NOS3: variants seen among roughly 807,000 people sequenced by gnomAD.
NOS3 encodes nitric oxide synthase 3.
In NOS3, 98 loss-of-function variants were observed where a neutral mutation model predicts 144.9. The observed-to-expected ratio is 0.68, with a 90% CI of 0.57 to 0.80. NOS3 has a LOEUF of 0.80. Among genes scored for constraint, NOS3 ranks in the 30% least tolerant of loss-of-function variants. The probability of loss-of-function intolerance (pLI) is 0.00; values close to 1 mark genes in which losing one functional copy is unlikely to be tolerated. For missense variants in NOS3, 1,465 were observed against 1,656.4 expected, an observed-to-expected ratio of 0.88 and a Z score of 2.01; for synonymous variants, 714 against 702.4, an observed-to-expected ratio of 1.02 and a Z score of -0.26.
Position 150,997,502 on chromosome 7 carries a change from A to C in NOS3, c.582+577A>C, listed in dbSNP as rs188378451. 3.0e-3 allele frequency among the ~76,000 whole-genome samples: 463 copies of C among 151,992 alleles called. 1 individual carries two copies. The highest frequency in any genetic ancestry group is 0.011 in the African/African-American group (445 of 41,452). On this transcript the variant is annotated intron_variant, in intron 5 of 26. Coordinates refer to ENST00000297494, the MANE Select transcript of NOS3 (RefSeq NM_000603.5). The stretch of plus-strand genomic sequence containing the variant: ...CCCTCCCTCACACCCCAGCCCACAG[A>C]CTCGGGGCTGGCCTTAGTTACTGGA...
Position 151,007,090 on chromosome 7 carries a change from C to G in NOS3, c.1938-12C>G. The G allele has an allele frequency of 6.2e-7, 1 of 1,614,104 alleles. No individual in the cohort carries two copies. Among genetic ancestry groups the G allele is most frequent in the Non-Finnish European group, 8.5e-7 (1 of 1,180,032 alleles). On this transcript the variant is annotated splice_polypyrimidine_tract_variant and intron_variant, in intron 16 of 26. Transcript: ENST00000297494. ...TGCAAAGGGAGCTCCACTGACGACCCCTGCACCCCAGGTTCTGTGTGTTCG... is the reference window on the plus strand; with the variant it reads ...TGCAAAGGGAGCTCCACTGACGACCGCTGCACCCCAGGTTCTGTGTGTTCG...
chr7:151,014,314 C>G lies in NOS3; in HGVS notation c.*145C>G. 1 of 909,638 alleles carries G rather than the reference C, an allele frequency of 1.1e-6. No homozygotes were observed. Among genetic ancestry groups the G allele is most frequent in the East Asian group, 2.7e-5 (1 of 37,188 alleles). 56.3% of individuals were successfully genotyped at this position (909,638 alleles called of 1,614,324 possible). A position where few individuals can be genotyped will look rare whatever the true frequency, so the allele number is the denominator to read the frequency against. On this transcript the variant is annotated 3_prime_UTR_variant, in exon 27 of 27. Coordinates refer to ENST00000297494, the MANE Select transcript of NOS3 (RefSeq NM_000603.5). ...GCTGCAAGGATTCAGCATTATTCCT[C>G]CAGGAAGGAGCAAAACGCCTCTTTT...
chr7:151,004,940 C>A (rs2117125115), intron 14 of NOS3, among the ~76,000 whole-genome samples: 1 of 152,300 alleles, frequency 6.6e-6, no homozygotes, highest in South Asian at 2.1e-4. Flanking sequence ...TCACTGCAAC[C>A]TCCGCCTCCC....
intron 24 of NOS3, chr7:151,012,896 TA>T (rs1305467584): frequency 2.7e-6 from 1 of 368,190 alleles, no homozygotes; most frequent in African/African-American, 2.1e-5. Flanking sequence ...GGAGGAGAGT[TA>T]TAAGTATGGG....
At position 150,996,804 on chromosome 7, in the gene NOS3, A is replaced by AAGCC; in HGVS notation, c.462_465dup (p.Glu156SerfsTer12). The AAGCC allele has an allele frequency of 5.0e-6, 8 of 1,610,960 alleles. No homozygotes were observed. The highest frequency in any genetic ancestry group is 6.8e-6 in the Non-Finnish European group (8 of 1,179,538). ...CACGAACAGCGGCTTCAAGAGGTGG[A>AAGCC]AGCCGAGGTGGCAGCCACAGGCACC... On this transcript the variant is annotated frameshift_variant, in exon 5 of 27. Coordinates refer to ENST00000297494, the MANE Select transcript of NOS3 (RefSeq NM_000603.5). LOFTEE classifies it high-confidence loss of function.
chr7:151,008,037 T>C (rs528036154), intron 17 of NOS3, among the ~76,000 whole-genome samples: 171 of 152,174 alleles, frequency 1.1e-3, no homozygotes, highest in Admixed American at 7.7e-3. Context: ...AGGCCCTGAT[T>C]GGGAAGAAGG....
At position 151,002,452 on chromosome 7, in the gene NOS3, ACG is replaced by A. The variant is rs1491492646; in HGVS notation, c.1752+150_1752+151del. On this transcript the variant is annotated intron_variant, in intron 14 of 26. Transcript: ENST00000297494. The surrounding 1 kb of genome is among the most constrained non-coding windows in gnomAD (Gnocchi z 4.1). Reference sequence around the variant, plus strand: ...CACACACACACACACACACACACACACGCCAGGATGGAAAGGGAGATGCTAAG... The same window carrying A: ...CACACACACACACACACACACACACACCAGGATGGAAAGGGAGATGCTAAG... 79 of 492,008 alleles carry A rather than the reference ACG, an allele frequency of 1.6e-4. No individual in the cohort carries two copies. Among genetic ancestry groups the A allele is most frequent in the African/African-American group, 1.5e-3 (70 of 46,924 alleles). The allele number at this position is 492,008 out of a possible 1,614,324, so 30.5% of individuals were successfully genotyped here. A position where few individuals can be genotyped will look rare whatever the true frequency, so the allele number is the denominator to read the frequency against.
At position 151,010,855 on chromosome 7, in the gene NOS3, G is replaced by A. The variant is rs867225; in HGVS notation, c.2897-44G>A. ...GCCTGGCCACAGCAGGGTTGGGACCGGCCCCTCTCTGGCCCCTCACCGGCC... is the reference window on the plus strand; with the variant it reads ...GCCTGGCCACAGCAGGGTTGGGACCAGCCCCTCTCTGGCCCCTCACCGGCC... On this transcript the variant is annotated intron_variant, in intron 22 of 26. Transcript: ENST00000297494. 7.4e-3 allele frequency: 11,942 copies of A among 1,606,326 alleles called. 695 individuals are homozygous for A. In the African/African-American group the frequency reaches 0.13, roughly 18 times the overall value.
intron 5 of NOS3, among the ~76,000 whole-genome samples, chr7:150,997,520 T>A (rs1374018371): frequency 6.6e-6 from 1 of 152,122 alleles, no homozygotes; most frequent in Non-Finnish European, 1.5e-5. Context: ...CTGGCCTTAG[T>A]TACTGGAACG....
At position 151,010,664 on chromosome 7, in the gene NOS3, T is replaced by G. The variant is rs781651166; in HGVS notation, c.2753T>G (p.Phe918Cys). Reference sequence around the variant, plus strand: ...ACGCTGCTGGAGGTGCTGGAGCAGTTCCCGTCGGTGGCGCTGCCTGCCCCA... The same window carrying G: ...ACGCTGCTGGAGGTGCTGGAGCAGTGCCCGTCGGTGGCGCTGCCTGCCCCA... ...CPTLLEVLEQ[F>C]PSVALPAPLL... The change falls in exon 22 of 27, where the codon TTC becomes TGC. Residue 918 changes from phenylalanine (F) to cysteine (C), a missense_variant. By Grantham distance (205) the Phe-to-Cys change is radical (BLOSUM62 -2). Transcript: ENST00000297494. The G allele has an allele frequency of 2.3e-5, 37 of 1,608,062 alleles. No homozygotes were observed. The highest frequency in any genetic ancestry group is 3.1e-5 in the Non-Finnish European group (37 of 1,177,718).
At chr7:151,010,394 C>G (rs1563230965) in intron 21 of NOS3, 107 bp downstream of exon 21, 2 of 1,184,876 alleles carry the variant, frequency 1.7e-6, no homozygotes, top group Non-Finnish European at 2.4e-6. Context: ...ACTTTCTTCT[C>G]CTGGCCGACA....
In NOS3 at chr7:151,009,466, A is replaced by G; in HGVS notation, c.2393A>G (p.His798Arg). Residue 798 changes from histidine to arginine, a missense_variant, in exon 20 of 27, where the codon CAC becomes CGC. Physicochemically the swap from His to Arg is conservative, Grantham distance 29. This residue lies in a region of NOS3 where 745 missense variants were observed against 853.9 expected (regional missense o/e 0.87). Transcript: ENST00000297494. ...GGGCTGCAGTACCAGCCGGGGGACC[A>G]CATAGGTGTCTGCCCGCCCAACCGG... is the stretch of plus-strand genomic sequence containing the variant. Reference protein sequence around the residue: ...QEGLQYQPGDHIGVCPPNRPG... With the variant: ...QEGLQYQPGDRIGVCPPNRPG... The G allele has an allele frequency of 1.3e-6, 2 of 1,548,170 alleles. No individual in the cohort carries two copies. The highest frequency in any genetic ancestry group is 1.7e-6 in the Non-Finnish European group (2 of 1,146,422).
chr7:151,009,342 T>TC, intron 19 of NOS3, 56 bp from the exon 20 acceptor site: 2 of 1,055,322 alleles, frequency 1.9e-6, no homozygotes, highest in Non-Finnish European at 2.8e-6. Flanking sequence ...CCTCCCACAT[T>TC]CTCCCGCCCC....
intron 25 of NOS3, 167 bp downstream of exon 25, chr7:151,013,546 G>A: frequency 2.9e-6 from 3 of 1,048,682 alleles, no homozygotes; most frequent in Non-Finnish European, 2.7e-6. Context: ...CTCTAGGCCC[G>A]CCTCCTCCCG....
chr7:151,007,447 T>C (rs918987609), intron 17 of NOS3, among the ~76,000 whole-genome samples, 171 bp downstream of exon 17: 1 of 152,172 alleles, frequency 6.6e-6, no homozygotes, highest in South Asian at 2.1e-4. Flanking sequence ...GAGGATGACA[T>C]GGCCCTGCCG....
intron 26 of NOS3, 23 bp downstream of exon 26, chr7:151,013,941 T>C (rs1330268656): frequency 1.2e-6 from 2 of 1,600,316 alleles, no homozygotes; most frequent in Middle Eastern, 1.7e-4. Flanking sequence ...GGGCCGGGCC[T>C]GAGCGTGCGG....
rs762279585 is a variant in NOS3 at position 150,998,404 on chromosome 7, C to T, written c.630C>T (p.Tyr210=). Residue 210 remains tyrosine, a synonymous_variant, in exon 6 of 27, where the codon TAC becomes TAT. Coordinates refer to ENST00000297494, the MANE Select transcript of NOS3 (RefSeq NM_000603.5). The surrounding 1 kb of genome is among the most constrained non-coding windows in gnomAD (Gnocchi z 5.0). ...GGTCTGCACAGGAAATGTTCACCTA[C>T]ATCTGCAACCACATCAAGTATGCCA... ...DCRSAQEMFT[Y]ICNHIKYATN... The T allele has an allele frequency of 1.1e-5, 17 of 1,612,602 alleles. No homozygotes were observed. In the South Asian group the frequency reaches 1.4e-4, roughly 14 times the overall value.
chr7:151,009,557 A>C lies in NOS3; in HGVS notation c.2484A>C (p.Ala828=), dbSNP rs1190864962. Residue 828 remains alanine (A), a synonymous_variant, in exon 20 of 27, where the codon GCA becomes GCC. Transcript: ENST00000297494. ...EDPPAPTEPV[A]VEQLEKGSPG... Reference sequence around the variant, plus strand: ...CGCCGGCGCCCACTGAGCCCGTGGCAGTAGAGCAGCTGGAGAAGGGCAGCC... The same window carrying C: ...CGCCGGCGCCCACTGAGCCCGTGGCCGTAGAGCAGCTGGAGAAGGGCAGCC... The C allele has an allele frequency of 6.5e-7, 1 of 1,541,608 alleles. No individual in the cohort carries two copies. Among genetic ancestry groups the C allele is most frequent in the Non-Finnish European group, 8.7e-7 (1 of 1,143,772 alleles).
intron 2 of NOS3, among the ~76,000 whole-genome samples, chr7:150,994,677 C>A (rs1040596006): frequency 6.6e-6 from 1 of 152,152 alleles, no homozygotes; most frequent in Non-Finnish European, 1.5e-5. Context: ...AGGGCCGGGG[C>A]CCTGCTGCTC....
Sources: gnomAD v4.1 joint callset for allele counts (sites outside exome capture counted in the v4.1 genomes callset) on GRCh38, gnomAD v4.1.1 for gene constraint, gnomAD v4.1.1 regional missense constraint, Gnocchi (gnomAD v3.1) non-coding constraint, MANE v1.5 for transcripts, NCBI Gene and HGNC (gene_info 2026-07-23, HGNC 2026-07-21) for gene names.